PRKCD: variants seen among roughly 807,000 people sequenced by gnomAD.
PRKCD encodes protein kinase C delta type.
Under a neutral mutation model 82.2 loss-of-function variants are expected in PRKCD, and 20 were observed. The observed-to-expected ratio is 0.24, with a 90% CI of 0.17 to 0.35. The LOEUF is 0.35. Ranked by LOEUF, PRKCD falls within the 10% of genes least tolerant of loss-of-function variation. The pLI, the probability that PRKCD is intolerant of heterozygous loss-of-function variation, is 1.00. For missense variants in PRKCD, 607 were observed against 899.0 expected, an observed-to-expected ratio of 0.68 and a Z score of 4.15; for synonymous variants, 317 against 337.0, an observed-to-expected ratio of 0.94 and a Z score of 0.65.
chr3:53,183,476 G>C lies in PRKCD; in HGVS notation c.682G>C (p.Asp228His). The part of the protein sequence containing the change: ...TIFQKERFNI[D>H]MPHRFKVHNY... Reference sequence around the variant, plus strand: ...GTTCCAGAAAGAACGCTTCAACATCGACATGCCGCACCGCTTCAAGGTTCA... The same window carrying C: ...GTTCCAGAAAGAACGCTTCAACATCCACATGCCGCACCGCTTCAAGGTTCA... Residue 228 changes from aspartate to histidine, a missense_variant, in exon 9 of 19, where the codon GAC (aspartate) becomes CAC (histidine). Around this residue, in one of 5 missense-constraint regions of PRKCD, gnomAD observed 109 missense variants for 155.6 expected, o/e 0.70. Transcript: ENST00000330452. The C allele has an allele frequency of 6.2e-7, 1 of 1,614,148 alleles. No individual in the cohort carries two copies. Among genetic ancestry groups the C allele is most frequent in the South Asian group, 1.1e-5 (1 of 91,074 alleles).
intron 17 of PRKCD, 145 bp downstream of exon 17, chr3:53,189,391 T>A: frequency 1.1e-6 from 1 of 905,962 alleles, no homozygotes; most frequent in Non-Finnish European, 1.6e-6. Flanking sequence ...TATTGCTCTC[T>A]CACCATGTTC....
chr3:53,178,428 G>A lies in PRKCD; in HGVS notation c.6G>A (p.Ala2=), dbSNP rs1273815639. The A allele has an allele frequency of 5.0e-6, 8 of 1,611,110 alleles. No homozygotes were observed. Among genetic ancestry groups the A allele is most frequent in the South Asian group, 1.1e-5 (1 of 90,974 alleles). ...GCCCCACTGCAGGCCCCACCATGGC[G>A]CCGTTCCTGCGCATCGCCTTCAACT... is the stretch of plus-strand genomic sequence containing the variant. The part of the protein sequence containing the change: M[A]PFLRIAFNSY... Residue 2 remains alanine, a synonymous_variant, in exon 3 of 19, where the codon GCG becomes GCA. Transcript: ENST00000330452.
chr3:53,181,924 G>C (rs782173683), intron 7 of PRKCD, 192 bp downstream of exon 7: 1 of 821,406 alleles, frequency 1.2e-6, no homozygotes, highest in Non-Finnish European at 2.0e-6. Context: ...CCAGTTCTGC[G>C]CATCTCTTCC....
chr3:53,182,071 G>C (rs1553667775), intron 7 of PRKCD: 4 of 455,678 alleles, frequency 8.8e-6, no homozygotes, highest in South Asian at 7.2e-5. Flanking sequence ...CTGGCACATA[G>C]TGGCTGCATG....
At chr3:53,186,842 TA>T in intron 14 of PRKCD, 147 bp downstream of exon 14, 1 of 832,606 alleles carries the variant, frequency 1.2e-6, no homozygotes. Context: ...GATGTGGGGG[TA>T]GCCTGGGTCG....
At chr3:53,174,933 C>T (rs1448030500) in intron 2 of PRKCD, among the ~76,000 whole-genome samples, 2 of 152,210 alleles carry the variant, frequency 1.3e-5, no homozygotes, top group African/African-American at 4.8e-5. Context: ...TGAGTGTGGC[C>T]TGAGAGAGCT....
chr3:53,184,802 C>A (rs774700590), intron 9 of PRKCD, 72 bp from the exon 10 acceptor site: 7 of 1,307,496 alleles, frequency 5.4e-6, no homozygotes, highest in Non-Finnish European at 7.7e-6. Context: ...TGCTCTCCTG[C>A]GCCTCTCCTA....
chr3:53,191,533 T>C (rs1369658728), intron 18 of PRKCD, among the ~76,000 whole-genome samples: 3 of 152,240 alleles, frequency 2.0e-5, no homozygotes, highest in African/African-American at 7.2e-5. Context: ...GCTTGCGGTC[T>C]TTCTATATTA....
At chr3:53,188,914 T>G in intron 16 of PRKCD, 56 bp downstream of exon 16, 1 of 1,604,370 alleles carries the variant, frequency 6.2e-7, no homozygotes, top group Non-Finnish European at 8.5e-7. Flanking sequence ...CTCCCCACGG[T>G]GGGCCAGGGA....
At chr3:53,187,553 C>A in intron 15 of PRKCD, 151 bp downstream of exon 15, 1 of 869,148 alleles carries the variant, frequency 1.2e-6, no homozygotes, top group Non-Finnish European at 1.7e-6. Flanking sequence ...GCCTCCCACC[C>A]TGGTGTTAGC....
At chr3:53,183,067 C>T in intron 7 of PRKCD, 54 bp from the exon 8 acceptor site, 1 of 1,579,288 alleles carries the variant, frequency 6.3e-7, no homozygotes, top group Middle Eastern at 1.7e-4. Flanking sequence ...AGCTCATAGA[C>T]TCTGCCCCTC....
intron 10 of PRKCD, 23 bp from the exon 11 acceptor site, chr3:53,185,581 C>G (rs1703644620): frequency 6.2e-7 from 1 of 1,604,816 alleles, no homozygotes; most frequent in Non-Finnish European, 8.5e-7. Flanking sequence ...CCATCTGGCC[C>G]CCCACCTCTG....
rs782077845 is a variant in PRKCD, at chr3:53,187,367, A to G, written c.1380A>G (p.Gly460=). 5 of 1,614,024 alleles carry G rather than the reference A, an allele frequency of 3.1e-6. No individual in the cohort carries two copies. Among genetic ancestry groups the G allele is most frequent in the South Asian group, 1.1e-5 (1 of 91,066 alleles). ...TTTATGCCGCTGAGATAATGTGTGG[A>G]CTGCAGTTTCTACACAGCAAGGGCA... The part of the protein sequence containing the change: ...ATFYAAEIMC[G]LQFLHSKGII... Residue 460 remains glycine, a synonymous_variant, in exon 15 of 19, where the codon GGA becomes GGG. Transcript: ENST00000330452.
At chr3:53,177,730 A>G (rs967776012) in intron 2 of PRKCD, among the ~76,000 whole-genome samples, 1 of 151,944 alleles carries the variant, frequency 6.6e-6, no homozygotes, top group Non-Finnish European at 1.5e-5. Flanking sequence ...TGACTCCCCA[A>G]ATGAATATCT....
chr3:53,189,281 C>A, intron 17 of PRKCD, 35 bp downstream of exon 17: 3 of 1,524,090 alleles, frequency 2.0e-6, no homozygotes, highest in Non-Finnish European at 2.7e-6. Context: ...CTGGTCTGGG[C>A]TGGGCTGGGG....
Position 53,181,451 on chromosome 3 carries a change from A to G in PRKCD, c.384A>G (p.Lys128=), listed in dbSNP as rs1339098133. 3 of 1,614,012 alleles carry G rather than the reference A, an allele frequency of 1.9e-6. No individual in the cohort carries two copies. Among genetic ancestry groups the G allele is most frequent in the African/African-American group, 1.3e-5 (1 of 74,918 alleles). The stretch of plus-strand genomic sequence containing the variant: ...CTACTCCATGGTCACCAGATTGCAA[A>G]CAGTCTATGCGCAGTGAGGACGAGG... ...VQYFLEDVDC[K]QSMRSEDEAK... is the part of the protein sequence containing the mutation. The change falls in exon 6 of 19, where the codon AAA becomes AAG. Residue 128 remains lysine (K), a synonymous_variant. Coordinates refer to ENST00000330452, the MANE Select transcript of PRKCD (RefSeq NM_006254.4).
chr3:53,188,275 G>C (rs890052043), intron 15 of PRKCD, among the ~76,000 whole-genome samples: 26 of 149,262 alleles, frequency 1.7e-4, no homozygotes, highest in Non-Finnish European at 3.4e-4. Context: ...TCTAAGGAGA[G>C]CCTCATGATT....
chr3:53,184,787 T>C (rs1360162647), intron 9 of PRKCD, 87 bp from the exon 10 acceptor site: 37 of 1,117,836 alleles, frequency 3.3e-5, no homozygotes, highest in Non-Finnish European at 4.5e-5. Context: ...AGCCCTCCTT[T>C]CTCTTGCTCT....
rs1703957645 is a variant in PRKCD at position 53,192,380 on chromosome 3, G to C, written c.*114G>C. 27 of 1,329,624 alleles carry C rather than the reference G, an allele frequency of 2.0e-5. No homozygotes were observed. Among genetic ancestry groups the C allele is most frequent in the Non-Finnish European group, 2.8e-5 (27 of 949,972 alleles). The allele number at this position is 1,329,624 out of a possible 1,614,324, so 82.4% of individuals were successfully genotyped here. ...GCTGCTGGCCCCGCCCCTGCCCCCA[G>C]AGCGTCCTTGGCTGCCGTCTGGCCG... is the stretch of plus-strand genomic sequence containing the variant. On this transcript the variant is annotated 3_prime_UTR_variant, in exon 19 of 19. Coordinates refer to ENST00000330452, the MANE Select transcript of PRKCD (RefSeq NM_006254.4).
Sources: allele counts gnomAD v4.1 joint callset (sites outside exome capture counted in the v4.1 genomes callset), GRCh38; gene constraint gnomAD v4.1.1; regional missense constraint gnomAD v4.1.1; transcripts MANE v1.5; gene names NCBI Gene and HGNC (gene_info 2026-07-23, HGNC 2026-07-21).